The following DMD variants were observed in gnomAD, a reference collection of about 807,000 sequenced individuals.
DMD encodes the protein mutant dystrophin.
In DMD, 63 loss-of-function variants were observed where a neutral mutation model predicts 330.1. That is an observed-to-expected ratio of 0.19 (90% CI 0.16 to 0.24). The LOEUF is 0.24. DMD is among the 10% of genes least tolerant of loss of function. The pLI, the probability that DMD is intolerant of heterozygous loss-of-function variation, is 1.00. For missense variants in DMD, 3,344 were observed against 2,684.1 expected (o/e 1.25, Z -5.43); for synonymous variants, 1,223 against 959.8 (o/e 1.27, Z -5.07).
chrX:32,669,608 A>G (rs1312768906), intron 9 of DMD, among the ~76,000 whole-genome samples: 1 of 111,833 alleles, frequency 8.9e-6, no homozygotes, highest in African/African-American at 3.3e-5. Flanking sequence ...ATGCGATTCT[A>G]TCACTGGTCT....
intron 59 of DMD, among the ~76,000 whole-genome samples, chrX:31,453,546 C>G (rs2065917696): frequency 9.1e-6 from 1 of 109,576 alleles, no homozygotes; most frequent in Non-Finnish European, 1.9e-5. Context: ...GGCAGCAGAA[C>G]AACGTAAATG....
chrX:32,658,460 G>A (rs868560359), intron 9 of DMD, among the ~76,000 whole-genome samples: 1 of 111,187 alleles, frequency 9.0e-6, no homozygotes. Flanking sequence ...CAAAGCATCT[G>A]GAGACAATAC....
intron 54 of DMD, among the ~76,000 whole-genome samples, chrX:31,629,936 G>A (rs1440155564): frequency 1.8e-5 from 2 of 112,062 alleles, no homozygotes; most frequent in African/African-American, 6.5e-5. Context: ...TTCTAATGTA[G>A]TCCAATTTCA....
At chrX:31,261,242 G>A (rs2050483332) in intron 62 of DMD, 1 of 380,677 alleles carries the variant, frequency 2.6e-6, no homozygotes, top group Non-Finnish European at 4.6e-6. Flanking sequence ...ACATTATTCG[G>A]TTCCAGAATT....
At chrX:31,872,203 G>A (rs1487751196) in intron 48 of DMD, among the ~76,000 whole-genome samples, 1 of 110,260 alleles carries the variant, frequency 9.1e-6, no homozygotes, top group African/African-American at 3.3e-5. Flanking sequence ...AAGCCAAGGA[G>A]TTTTCTGCCA....
In DMD at chrX:32,459,220, G is replaced by A. The variant is rs375569780; in HGVS notation, c.3432+4219C>T. Among the ~76,000 whole-genome samples, 3 of 110,923 alleles carry A rather than the reference G, an allele frequency of 2.7e-5. No individual in the cohort carries two copies. The Admixed American group carries it at 2.9e-4, about 11-fold the overall frequency. ...CAGAAGGAAACTTTTGGAGGTGATAGGTAAGTTTATCATCTTGAATGTGGT... is the reference window on the plus strand; with the variant it reads ...CAGAAGGAAACTTTTGGAGGTGATAAGTAAGTTTATCATCTTGAATGTGGT... On this transcript the variant is annotated intron_variant, in intron 25 of 78. Coordinates refer to ENST00000357033, the MANE Select transcript of DMD (RefSeq NM_004006.3).
rs5927082 is a variant in DMD, at chrX:32,573,694, A to G, written c.1704+51T>C. 0.12 allele frequency: 137,666 copies of G among 1,192,182 alleles called. 5,697 individuals are homozygous for G. The highest frequency in any genetic ancestry group is 0.17 in the Middle Eastern group (714 of 4,313). ...ATAAACATAAATCTTTACTTTTCCAATTTAATATCCCCCCGTGTCTTTTAC... is the reference window on the plus strand; with the variant it reads ...ATAAACATAAATCTTTACTTTTCCAGTTTAATATCCCCCCGTGTCTTTTAC... On this transcript the variant is annotated intron_variant, in intron 14 of 78. Transcript: ENST00000357033.
intron 37 of DMD, among the ~76,000 whole-genome samples, chrX:32,361,636 C>T (rs1381295573): frequency 8.9e-6 from 1 of 111,772 alleles, no homozygotes; most frequent in Non-Finnish European, 1.9e-5. Context: ...TTGAAAACTA[C>T]TTTAAATATG....
chrX:32,870,980 A>AAAGAAAAG (rs1557104331), intron 2 of DMD, among the ~76,000 whole-genome samples: 18 of 37,204 alleles, frequency 4.8e-4, no homozygotes, highest in Non-Finnish European at 8.5e-4. Context: ...AAAAAAAAAA[A>AAAGAAAAG]AAAAAAAACC....
chrX:32,879,626 T>A (rs950774645), intron 2 of DMD, among the ~76,000 whole-genome samples: 4 of 112,333 alleles, frequency 3.6e-5, no homozygotes, highest in African/African-American at 1.3e-4. Context: ...TCACATATTT[T>A]TAAAAATATG....
At chrX:32,122,062 TTAAC>T (rs1388665774) in intron 44 of DMD, among the ~76,000 whole-genome samples, 1 of 111,335 alleles carries the variant, frequency 9.0e-6, no homozygotes, top group Non-Finnish European at 1.9e-5. Flanking sequence ...AGGATGATTT[TTAAC>T]TAGCTCCTAA....
rs755223767 is a variant in DMD, at chrX:33,010,363, CAT to C, written c.93+9774_93+9775del. Among the ~76,000 whole-genome samples the C allele has an allele frequency of 2.0e-4, 21 of 103,616 alleles. No individual in the cohort carries two copies. The South Asian group carries it at 2.4e-3, about 12-fold the overall frequency. The allele number at this position is 103,616 out of a possible 115,157, so 90.0% of individuals were successfully genotyped here. The stretch of plus-strand genomic sequence containing the variant: ...ACATATATATGTGTGTATGTATATC[CAT>C]ATATATATATATACACATTTTTTAA... On this transcript the variant is annotated intron_variant, in intron 2 of 78. Transcript: ENST00000357033.
At chrX:31,252,920 G>A (rs926334999) in intron 63 of DMD, among the ~76,000 whole-genome samples, 19 of 111,261 alleles carry the variant, frequency 1.7e-4, no homozygotes, top group African/African-American at 5.6e-4. Context: ...GAACGCGGGC[G>A]GTGGAGGTTG....
At chrX:31,641,376 G>A (rs1414060604) in intron 54 of DMD, among the ~76,000 whole-genome samples, 2 of 109,434 alleles carry the variant, frequency 1.8e-5, no homozygotes, top group African/African-American at 6.7e-5. Context: ...GGTGGTGGGT[G>A]CCTGTAATCC....
chrX:32,778,999 T>A (rs942919346), intron 7 of DMD, among the ~76,000 whole-genome samples: 2 of 111,606 alleles, frequency 1.8e-5, no homozygotes, highest in African/African-American at 6.5e-5. Context: ...ATATTGAGTA[T>A]CCAGATTTCA....
At chrX:31,593,881 T>C in intron 55 of DMD, among the ~76,000 whole-genome samples, 1 of 111,662 alleles carries the variant, frequency 9.0e-6, no homozygotes, top group Middle Eastern at 4.6e-3. Context: ...ATATAAGCTC[T>C]TATAAAGTTC....
At chrX:32,520,969 T>C (rs2148822166) in intron 17 of DMD, among the ~76,000 whole-genome samples, 1 of 110,280 alleles carries the variant, frequency 9.1e-6, no homozygotes, top group African/African-American at 3.3e-5. Flanking sequence ...TTCCCTACCT[T>C]ACAGAAACAA....
At chrX:33,062,104 G>A (rs139051334) in intron 1 of DMD, among the ~76,000 whole-genome samples, 1 of 111,651 alleles carries the variant, frequency 9.0e-6, no homozygotes, top group Non-Finnish European at 1.9e-5. Context: ...ATAAATAGAC[G>A]GTAAGAAAAT....
intron 52 of DMD, among the ~76,000 whole-genome samples, chrX:31,685,856 T>G (rs2082657430): frequency 8.9e-6 from 1 of 112,556 alleles, no homozygotes; most frequent in Non-Finnish European, 1.9e-5. Context: ...GTTGACAACT[T>G]TGAGGCATGT....
Sources: gnomAD v4.1 joint callset for allele counts (sites outside exome capture counted in the v4.1 genomes callset) on GRCh38, gnomAD v4.1.1 for gene constraint, MANE v1.5 for transcripts, NCBI Gene and HGNC (gene_info 2026-07-23, HGNC 2026-07-21) for gene names.